Variants in CYP7B1 observed in about 807,000 individuals in gnomAD.
CYP7B1 encodes cytochrome P450 7B1.
A neutral mutation model predicts 42.7 loss-of-function variants in CYP7B1; 29 were observed. The observed-to-expected ratio is 0.68, with a 90% CI of 0.51 to 0.93. CYP7B1 has a LOEUF of 0.93. Among genes scored for constraint, CYP7B1 ranks in the 40% least tolerant of loss-of-function variants. CYP7B1 has a pLI of 0.00. For missense variants in CYP7B1, 655 were observed against 600.5 expected (o/e 1.09, Z -0.95); for synonymous variants, 235 against 218.2 (o/e 1.08, Z -0.68).
Position 64,615,223 on chromosome 8 carries a change from A to G in CYP7B1, c.860T>C (p.Leu287Ser). 6.2e-7 allele frequency: 1 copy of G among 1,612,900 alleles called. No homozygotes were observed. Among genetic ancestry groups the G allele is most frequent in the African/African-American group, 1.3e-5 (1 of 75,002 alleles). ...TGCCACAGAGGCCCAGAGAAAGCCT[A>G]AATGATGTGCTGGGAGAAAATAAGT... ...HEDLEIGAHH[L>S]GFLWASVANT... The change falls in exon 4 of 6, where the codon TTA becomes TCA. Residue 287 changes from leucine to serine, a missense_variant. Coordinates refer to ENST00000310193, the MANE Select transcript of CYP7B1 (RefSeq NM_004820.5).
intron 2 of CYP7B1, among the ~76,000 whole-genome samples, chr8:64,618,071 G>T (rs1805472904): frequency 6.7e-6 from 1 of 149,398 alleles, no homozygotes; most frequent in African/African-American, 2.5e-5. Flanking sequence ...CTAAATTTGT[G>T]TGTGTGTATG....
intron 1 of CYP7B1, among the ~76,000 whole-genome samples, chr8:64,754,710 C>T (rs889448220): frequency 5.3e-5 from 8 of 152,088 alleles, no homozygotes; most frequent in Admixed American, 3.9e-4. Flanking sequence ...CTACAAAGGC[C>T]TTGACAGTAG....
intron 1 of CYP7B1, 82 bp downstream of exon 1, chr8:64,798,383 AG>A: frequency 1.4e-6 from 2 of 1,417,338 alleles, no homozygotes; most frequent in Non-Finnish European, 1.8e-6. Context: ...GAAATCATGG[AG>A]GGGGACTCCC....
At chr8:64,623,984 G>A (rs1288685152) in intron 2 of CYP7B1, among the ~76,000 whole-genome samples, 3 of 152,078 alleles carry the variant, frequency 2.0e-5, no homozygotes, top group Non-Finnish European at 2.9e-5. Context: ...TACAATCAGG[G>A]AAACTGTGAT....
chr8:64,719,911 A>G (rs1807212770), intron 1 of CYP7B1, among the ~76,000 whole-genome samples: 1 of 152,220 alleles, frequency 6.6e-6, no homozygotes, highest in African/African-American at 2.4e-5. Context: ...CTATTTGACG[A>G]CTTTAACTCT....
At chr8:64,652,431 C>A (rs777069736) in intron 1 of CYP7B1, among the ~76,000 whole-genome samples, 7 of 152,162 alleles carry the variant, frequency 4.6e-5, no homozygotes, top group Non-Finnish European at 8.8e-5. Flanking sequence ...GAACATAAAA[C>A]AATCCTCACC....
chr8:64,785,835 A>T (rs1297156608), intron 1 of CYP7B1, among the ~76,000 whole-genome samples: 1 of 152,142 alleles, frequency 6.6e-6, no homozygotes, highest in East Asian at 1.9e-4. Flanking sequence ...GGTAATTTAT[A>T]AAGAAAAGAG....
chr8:64,778,323 A>G (rs1269008969), intron 1 of CYP7B1, among the ~76,000 whole-genome samples: 1 of 151,906 alleles, frequency 6.6e-6, no homozygotes, highest in Non-Finnish European at 1.5e-5. Context: ...ACAAAGAAAT[A>G]TAAGGACAAA....
At chr8:64,720,105 A>G (rs958018518) in intron 1 of CYP7B1, among the ~76,000 whole-genome samples, 2 of 152,198 alleles carry the variant, frequency 1.3e-5, no homozygotes, top group Non-Finnish European at 2.9e-5. Flanking sequence ...CAATGAACCC[A>G]CTTTACATTT....
At chr8:64,702,485 G>C (rs1044382183) in intron 1 of CYP7B1, among the ~76,000 whole-genome samples, 2 of 152,020 alleles carry the variant, frequency 1.3e-5, no homozygotes, top group Non-Finnish European at 2.9e-5. Context: ...TGCTTCCTGT[G>C]ACTTCGTTGT....
At chr8:64,623,328 CT>C (rs1412743132) in intron 2 of CYP7B1, among the ~76,000 whole-genome samples, 1 of 152,164 alleles carries the variant, frequency 6.6e-6, no homozygotes, top group Non-Finnish European at 1.5e-5. Context: ...GAAGCTTTTT[CT>C]CTCACTCCCT....
chr8:64,798,532 A>G lies in CYP7B1; in HGVS notation c.56T>C (p.Leu19Pro), dbSNP rs72554624. ...GGCCGCGGCGAGGGCCAGGCCCGGG[A>G]GGCCCAACCGCTCCAGCGAAAAGCG... is the stretch of plus-strand genomic sequence containing the variant. ...TGRFSLERLG[L>P]PGLALAAALL... Residue 19 changes from leucine (L) to proline (P), a missense_variant, in exon 1 of 6, where the codon CTC (leucine) becomes CCC (proline). Physicochemically the swap from Leu to Pro is moderately conservative, Grantham distance 98 (BLOSUM62 -3). Coordinates refer to ENST00000310193, the MANE Select transcript of CYP7B1 (RefSeq NM_004820.5). The G allele has an allele frequency of 7.1e-3, 10,616 of 1,499,110 alleles. 645 individuals are homozygous for G. The African/African-American group carries it at 0.13, about 19-fold the overall frequency. The allele number at this position is 1,499,110 out of a possible 1,614,324, so 92.9% of individuals were successfully genotyped here. A position where few individuals can be genotyped will look rare whatever the true frequency, so the allele number is the denominator to read the frequency against.
chr8:64,642,161 C>T (rs995007498), intron 1 of CYP7B1, among the ~76,000 whole-genome samples: 10 of 151,926 alleles, frequency 6.6e-5, no homozygotes, highest in African/African-American at 2.4e-5. Context: ...TGATGTAATA[C>T]ACATATGCAT....
chr8:64,655,094 C>A (rs749942294), intron 1 of CYP7B1, among the ~76,000 whole-genome samples: 9 of 152,084 alleles, frequency 5.9e-5, no homozygotes, highest in East Asian at 1.9e-4. Flanking sequence ...GCAATACCAT[C>A]CTGGACATAG....
chr8:64,618,175 C>T (rs1805474525), intron 2 of CYP7B1, among the ~76,000 whole-genome samples: 1 of 151,202 alleles, frequency 6.6e-6, no homozygotes, highest in Non-Finnish European at 1.5e-5. Context: ...AAATTGCCAG[C>T]ATCTGCCTGT....
At chr8:64,603,823 A>T (rs1805236223) in intron 5 of CYP7B1, among the ~76,000 whole-genome samples, 1 of 152,246 alleles carries the variant, frequency 6.6e-6, no homozygotes, top group African/African-American at 2.4e-5. Context: ...ATTCAACAAT[A>T]TCGTAATCCA....
chr8:64,616,322 T>A (rs772095797), intron 2 of CYP7B1, 41 bp from the exon 3 acceptor site: 12 of 1,261,012 alleles, frequency 9.5e-6, no homozygotes, highest in Non-Finnish European at 1.3e-5. Flanking sequence ...AGTTCGTTTG[T>A]TAATAAAACA....
intron 1 of CYP7B1, among the ~76,000 whole-genome samples, chr8:64,727,218 TA>T (rs1807337626): frequency 6.6e-6 from 1 of 152,204 alleles, no homozygotes; most frequent in Non-Finnish European, 1.5e-5. Context: ...TACAGTATTA[TA>T]AAGGCTCTCA....
intron 1 of CYP7B1, among the ~76,000 whole-genome samples, chr8:64,721,584 A>T (rs1227077689): frequency 6.6e-6 from 1 of 152,190 alleles, no homozygotes; most frequent in Non-Finnish European, 1.5e-5. Context: ...TTTGTGATGC[A>T]CAGTATTAGC....
Sources: gnomAD v4.1 joint callset for allele counts (sites outside exome capture counted in the v4.1 genomes callset) on GRCh38, gnomAD v4.1.1 for gene constraint, MANE v1.5 for transcripts, NCBI Gene and HGNC (gene_info 2026-07-23, HGNC 2026-07-21) for gene names.